The following AGBL1 variants were observed in gnomAD, a reference collection of about 807,000 sequenced individuals.
The protein encoded by AGBL1 is AGBL carboxypeptidase 1, also known as cytosolic carboxypeptidase 4.
In AGBL1, 130 loss-of-function variants were observed where a neutral mutation model predicts 118.9. The ratio of observed to expected loss-of-function variants is 1.09; its 90% CI spans 0.95 to 1.26. The LOEUF (loss-of-function observed/expected upper bound fraction) is 1.26. Among genes scored for constraint, AGBL1 ranks in the 50% most tolerant of loss-of-function variants. The pLI is 0.00. For synonymous variants in AGBL1, 555 were observed against 478.9 expected, an observed-to-expected ratio of 1.16 and a Z score of -2.08; for missense variants, 1,584 against 1,298.1, an observed-to-expected ratio of 1.22 and a Z score of -3.38.
intron 9 of AGBL1, among the ~76,000 whole-genome samples, chr15:86,259,064 TACA>T (rs2078942410): frequency 6.6e-6 from 1 of 152,226 alleles, no homozygotes; most frequent in African/African-American, 2.4e-5. Context: ...ACTGTTTTTG[TACA>T]ACAAGTTTTC....
intron 22 of AGBL1, among the ~76,000 whole-genome samples, chr15:86,753,537 A>T (rs1426731609): frequency 6.6e-6 from 1 of 151,146 alleles, no homozygotes; most frequent in Non-Finnish European, 1.5e-5. Context: ...TGCTAGGATT[A>T]CAGACACCCA....
intron 22 of AGBL1, among the ~76,000 whole-genome samples, chr15:86,692,175 C>G (rs1004526072): frequency 1.3e-5 from 2 of 151,794 alleles, no homozygotes; most frequent in Non-Finnish European, 2.9e-5. Flanking sequence ...AAGACTCCAT[C>G]TCAAAAACAA....
chr15:86,463,632 G>T (rs2082361111), intron 18 of AGBL1, among the ~76,000 whole-genome samples: 2 of 152,094 alleles, frequency 1.3e-5, no homozygotes, highest in Admixed American at 6.6e-5. Flanking sequence ...TGTAAGGAAG[G>T]GGTCCAGTTT....
At chr15:86,196,877 G>A (rs560645994) in intron 5 of AGBL1, among the ~76,000 whole-genome samples, 994 of 86,354 alleles carry the variant, frequency 0.012, 27 homozygotes, top group East Asian at 0.073. Context: ...GTGCGCGCGC[G>A]CGCACACACA....
intron 22 of AGBL1, among the ~76,000 whole-genome samples, chr15:86,854,384 G>A (rs2079448926): frequency 1.3e-5 from 2 of 152,226 alleles, no homozygotes; most frequent in South Asian, 4.2e-4. Context: ...TTCAGCAGAA[G>A]AACACAAACA....
chr15:86,904,240 A>T (rs2080250903), intron 22 of AGBL1, among the ~76,000 whole-genome samples: 1 of 152,094 alleles, frequency 6.6e-6, no homozygotes, highest in Admixed American at 6.5e-5. Context: ...CCCAAAGGAA[A>T]CCCAGAGAGA....
At chr15:86,739,443 C>CAAAAA (rs34530266) in intron 22 of AGBL1, among the ~76,000 whole-genome samples, 4 of 66,610 alleles carry the variant, frequency 6.0e-5, no homozygotes, top group South Asian at 8.0e-4. Flanking sequence ...AACTCCATCT[C>CAAAAA]AAAAAAAAAA....
chr15:86,956,924 A>G (rs983234160), intron 23 of AGBL1, among the ~76,000 whole-genome samples: 1 of 152,290 alleles, frequency 6.6e-6, no homozygotes, highest in African/African-American at 2.4e-5. Flanking sequence ...ATCTATGCAC[A>G]TAAGTGTGTA....
At chr15:86,695,908 G>T (rs975723898) in intron 22 of AGBL1, among the ~76,000 whole-genome samples, 4 of 151,900 alleles carry the variant, frequency 2.6e-5, no homozygotes, top group African/African-American at 9.7e-5. Flanking sequence ...TGGTTATGAA[G>T]GTTCCTTTTG....
intron 21 of AGBL1, among the ~76,000 whole-genome samples, chr15:86,666,194 T>C (rs997650616): frequency 1.3e-5 from 2 of 152,116 alleles, no homozygotes; most frequent in African/African-American, 4.8e-5. Context: ...AGAATTTATT[T>C]AGATGTTCCT....
intron 17 of AGBL1, among the ~76,000 whole-genome samples, chr15:86,387,120 T>C (rs2081209344): frequency 6.6e-6 from 1 of 152,148 alleles, no homozygotes; most frequent in Admixed American, 6.5e-5. Flanking sequence ...TGGTGAGTTG[T>C]ACACAGTTGC....
chr15:86,793,116 A>C (rs1318717174), intron 22 of AGBL1, among the ~76,000 whole-genome samples: 3 of 152,164 alleles, frequency 2.0e-5, no homozygotes. Flanking sequence ...TGGTAACAAA[A>C]ATTTTCATGA....
chr15:86,133,565 G>A (rs1014035075), intron 1 of AGBL1, among the ~76,000 whole-genome samples: 5 of 152,212 alleles, frequency 3.3e-5, no homozygotes, highest in Admixed American at 6.5e-5. Flanking sequence ...AGCACCTAGC[G>A]CAGTTCCTGG....
rs545670797 is a variant in AGBL1, at chr15:86,332,929, C to T, written c.2374+37521C>T. Among the ~76,000 whole-genome samples the T allele has an allele frequency of 3.9e-5, 6 of 152,258 alleles. No homozygotes were observed. In the South Asian group the frequency reaches 1.2e-3, roughly 32 times the overall value. On this transcript the variant is annotated intron_variant, in intron 17 of 22. Coordinates refer to ENST00000614907, the MANE Select transcript of AGBL1 (RefSeq NM_001386094.1). ...AATTACATGGAAATTGAACAACTTG[C>T]TCCTGAATGAGTTTTGAGTAAACAA...
intron 23 of AGBL1, among the ~76,000 whole-genome samples, chr15:86,972,754 A>C (rs2081122769): frequency 6.6e-6 from 1 of 152,040 alleles, no homozygotes; most frequent in Non-Finnish European, 1.5e-5. Context: ...TCTGCTTTAC[A>C]AAAGCTTTCT....
chr15:86,192,500 C>T (rs1273173659), intron 5 of AGBL1, among the ~76,000 whole-genome samples: 7 of 151,812 alleles, frequency 4.6e-5, no homozygotes, highest in Non-Finnish European at 7.4e-5. Context: ...TGACTTGTAT[C>T]GAGGCTGTGA....
chr15:86,513,164 T>C (rs1789651151), intron 18 of AGBL1, among the ~76,000 whole-genome samples: 1 of 151,988 alleles, frequency 6.6e-6, no homozygotes. Context: ...ATTCCAATAA[T>C]GTTGTTTTTC....
chr15:86,429,778 T>C (rs1387188332), intron 18 of AGBL1, among the ~76,000 whole-genome samples: 1 of 152,236 alleles, frequency 6.6e-6, no homozygotes. Context: ...AACATTGCCT[T>C]TGAGCATTGC....
chr15:87,017,199 C>T (rs1489473154), intron 24 of AGBL1, among the ~76,000 whole-genome samples: 2 of 152,020 alleles, frequency 1.3e-5, no homozygotes, highest in East Asian at 3.9e-4. Context: ...TCAGCTTTTC[C>T]AGCCTGCCAA....
Sources: allele counts gnomAD v4.1 joint callset (sites outside exome capture counted in the v4.1 genomes callset), GRCh38; gene constraint gnomAD v4.1.1; transcripts MANE v1.5; gene names NCBI Gene and HGNC (gene_info 2026-07-23, HGNC 2026-07-21).